The following KIAA1217 variants were observed in gnomAD, a reference collection of about 807,000 sequenced individuals.
The protein encoded by KIAA1217 is sickle tail protein homolog.
Under a neutral mutation model 163.9 loss-of-function variants are expected in KIAA1217, and 88 were observed. The ratio of observed to expected loss-of-function variants is 0.54; its 90% CI spans 0.45 to 0.64. The LOEUF is 0.64. KIAA1217 is among the 30% of genes least tolerant of loss of function. The probability of loss-of-function intolerance (pLI) is 0.00; values close to 1 mark genes in which losing one functional copy is unlikely to be tolerated. For missense variants in KIAA1217, 2,372 were observed against 2,475.0 expected (o/e 0.96, Z 0.88); for synonymous variants, 903 against 923.1 (o/e 0.98, Z 0.39).
chr10:23,745,717 T>C (rs10508663), intron 1 of KIAA1217, among the ~76,000 whole-genome samples: 44,075 of 151,904 alleles, frequency 0.29, 7,159 homozygotes, highest in African/African-American at 0.44. Context: ...CCTTGGAAAA[T>C]GTGACCGACA....
chr10:24,323,603 C>G (rs1221542971), intron 2 of KIAA1217, among the ~76,000 whole-genome samples: 1 of 152,164 alleles, frequency 6.6e-6, no homozygotes, highest in African/African-American at 2.4e-5. Flanking sequence ...TTGCAAACAG[C>G]CTAATCGGCT....
chr10:24,180,956 T>C (rs1260522737), intron 2 of KIAA1217, among the ~76,000 whole-genome samples: 1 of 152,252 alleles, frequency 6.6e-6, no homozygotes, highest in Non-Finnish European at 1.5e-5. Flanking sequence ...ATACTGATTA[T>C]GGATCAGCTA....
intron 2 of KIAA1217, among the ~76,000 whole-genome samples, chr10:24,197,301 A>ATT (rs2067035234): frequency 6.6e-6 from 1 of 152,252 alleles, no homozygotes; most frequent in Non-Finnish European, 1.5e-5. Context: ...ATGGTACAAA[A>ATT]TTAATGCCAT....
At chr10:24,407,257 C>CGT (rs10545826) in intron 3 of KIAA1217, among the ~76,000 whole-genome samples, 4,039 of 147,688 alleles carry the variant, frequency 0.027, 61 homozygotes, top group East Asian at 0.054. Context: ...GATGAAGATA[C>CGT]GTGTGTGTGT....
chr10:23,980,463 C>G (rs1360256780), intron 1 of KIAA1217, among the ~76,000 whole-genome samples: 1 of 152,144 alleles, frequency 6.6e-6, no homozygotes, highest in East Asian at 1.9e-4. Context: ...TCACTCATCC[C>G]CTGCATCAGC....
intron 2 of KIAA1217, among the ~76,000 whole-genome samples, chr10:24,350,213 G>A (rs573024438): frequency 6.6e-6 from 1 of 152,326 alleles, no homozygotes; most frequent in East Asian, 1.9e-4. Context: ...ATTTTTATAT[G>A]CTGCAGATGC....
chr10:24,241,752 T>C (rs2073132514), intron 2 of KIAA1217, among the ~76,000 whole-genome samples: 1 of 152,208 alleles, frequency 6.6e-6, no homozygotes, highest in African/African-American at 2.4e-5. Flanking sequence ...GAGACAAATA[T>C]GTTTTTCATT....
chr10:24,385,588 G>A (rs2053892935), intron 3 of KIAA1217, among the ~76,000 whole-genome samples: 1 of 152,116 alleles, frequency 6.6e-6, no homozygotes, highest in Admixed American at 6.6e-5. Flanking sequence ...AGAAATTGAT[G>A]GGTTCAGCAG....
intron 1 of KIAA1217, among the ~76,000 whole-genome samples, chr10:23,811,854 C>T (rs1837074925): frequency 1.3e-5 from 2 of 152,074 alleles, no homozygotes; most frequent in African/African-American, 4.8e-5. Flanking sequence ...CATATGCTTT[C>T]TGAGATGTGG....
intron 1 of KIAA1217, among the ~76,000 whole-genome samples, chr10:23,765,314 G>C (rs926101179): frequency 2.9e-4 from 43 of 145,958 alleles, no homozygotes; most frequent in African/African-American, 9.9e-4. Flanking sequence ...TCAGCCTCCC[G>C]AGTAGCTGGG....
chr10:24,488,244 G>A (rs1345383937), intron 6 of KIAA1217, among the ~76,000 whole-genome samples: 1 of 152,174 alleles, frequency 6.6e-6, no homozygotes, highest in Non-Finnish European at 1.5e-5. Flanking sequence ...GGGGTTGTAA[G>A]TATGGATGTT....
At chr10:23,758,752 T>C (rs542248483) in intron 1 of KIAA1217, among the ~76,000 whole-genome samples, 36 of 149,202 alleles carry the variant, frequency 2.4e-4, no homozygotes, top group African/African-American at 7.4e-4. Flanking sequence ...AATGGCGTGA[T>C]CTTGGCTCAT....
At position 24,544,972 on chromosome 10, in the gene KIAA1217, T is replaced by C. The variant is rs955253815; in HGVS notation, c.5212-9T>C. ...CTTCTCTTCCCCCTCTCACTGGTCC[T>C]TCCCACAGGGCTCCAGCGGGGCCCC... On this transcript the variant is annotated splice_polypyrimidine_tract_variant and intron_variant, in intron 19 of 20. Transcript: ENST00000376454. The C allele has an allele frequency of 1.5e-5, 24 of 1,613,178 alleles. No individual in the cohort carries two copies. In the Middle Eastern group the frequency reaches 4.9e-4, roughly 33 times the overall value.
At chr10:23,738,924 G>C (rs1005670750) in intron 1 of KIAA1217, among the ~76,000 whole-genome samples, 1 of 152,164 alleles carries the variant, frequency 6.6e-6, no homozygotes, top group Admixed American at 6.6e-5. Context: ...TCAGATAGAG[G>C]GATGTGCCCT....
chr10:23,771,990 G>T (rs951047418), intron 1 of KIAA1217, among the ~76,000 whole-genome samples: 3 of 152,152 alleles, frequency 2.0e-5, no homozygotes, highest in Non-Finnish European at 4.4e-5. Context: ...ATTTAAGAAA[G>T]AATCTAAAAA....
intron 1 of KIAA1217, among the ~76,000 whole-genome samples, chr10:23,766,837 C>T (rs1380008549): frequency 2.0e-5 from 3 of 152,290 alleles, no homozygotes; most frequent in African/African-American, 7.2e-5. Context: ...AATGATCTGC[C>T]TGCCTTGGCC....
chr10:24,536,663 C>T (rs2074059535), intron 16 of KIAA1217, 111 bp from the exon 17 acceptor site: 5 of 1,113,308 alleles, frequency 4.5e-6, no homozygotes, highest in South Asian at 1.6e-5. Context: ...CCTAAACCTG[C>T]GTGCAGGACC....
intron 9 of KIAA1217, among the ~76,000 whole-genome samples, chr10:24,510,363 G>A (rs2068935056): frequency 6.6e-6 from 1 of 152,180 alleles, no homozygotes; most frequent in East Asian, 1.9e-4. Context: ...ACGTAAGCTT[G>A]TTTTAAAATT....
chr10:23,798,393 GTCC>G (rs1384855667), intron 1 of KIAA1217, among the ~76,000 whole-genome samples: 1 of 152,152 alleles, frequency 6.6e-6, no homozygotes, highest in African/African-American at 2.4e-5. Flanking sequence ...CACATTCTGT[GTCC>G]TCCTCCATCA....
Sources: allele counts gnomAD v4.1 joint callset (sites outside exome capture counted in the v4.1 genomes callset), GRCh38; gene constraint gnomAD v4.1.1; transcripts MANE v1.5; gene names NCBI Gene and HGNC (gene_info 2026-07-23, HGNC 2026-07-21).